The following SLC25A48 variants were observed in gnomAD, a reference collection of about 807,000 sequenced individuals.
SLC25A48 encodes CTC-321K16.1.
In SLC25A48, 29 loss-of-function variants were observed where a neutral mutation model predicts 32.2. The observed-to-expected ratio is 0.90, with a 90% CI of 0.67 to 1.23. SLC25A48 has a LOEUF of 1.23. Among genes scored for constraint, SLC25A48 ranks in the 50% most tolerant of loss-of-function variants. The pLI is 0.00. For missense variants in SLC25A48, 399 were observed against 422.7 expected, an observed-to-expected ratio of 0.94 and a Z score of 0.49; for synonymous variants, 164 against 172.3, an observed-to-expected ratio of 0.95 and a Z score of 0.38.
At position 135,624,162 on chromosome 5, in the gene SLC25A48, G is replaced by A. The variant is rs138666665; in HGVS notation, c.-848-5075G>A. 5.9e-3 allele frequency among the ~76,000 whole-genome samples: 900 copies of A among 152,234 alleles called. 11 individuals carry two copies. Among genetic ancestry groups the A allele is most frequent in the African/African-American group, 0.02 (847 of 41,542 alleles). ...TGATCACCGTTACCTCCTTAGCTGG[G>A]TGCTTGAGAGTTGTTGGGCAGGGTG... On this transcript the variant is annotated intron_variant, in intron 1 of 10. Coordinates refer to the SLC25A48 transcript ENST00000646290.
intron 4 of SLC25A48, among the ~76,000 whole-genome samples, chr5:135,818,355 A>G (rs1227050391): frequency 1.3e-5 from 2 of 152,182 alleles, no homozygotes; most frequent in African/African-American, 4.8e-5. Flanking sequence ...GTCTCAGCCT[A>G]ACTCCTGAGT....
At chr5:135,813,977 G>A (rs1757652304) in intron 4 of SLC25A48, among the ~76,000 whole-genome samples, 1 of 152,208 alleles carries the variant, frequency 6.6e-6, no homozygotes, top group East Asian at 1.9e-4. Flanking sequence ...GTGACACAGA[G>A]TGTGCTATTC....
intron 1 of SLC25A48, among the ~76,000 whole-genome samples, chr5:135,835,411 T>C (rs1321216713): frequency 6.6e-6 from 1 of 152,020 alleles, no homozygotes; most frequent in East Asian, 2.0e-4. Context: ...CAGGTGCCCA[T>C]TGCCAGGCTG....
At chr5:135,657,306 G>GA (rs1187343006) in intron 3 of SLC25A48, among the ~76,000 whole-genome samples, 1 of 152,214 alleles carries the variant, frequency 6.6e-6, no homozygotes, top group Non-Finnish European at 1.5e-5. Flanking sequence ...CTACTGCAGA[G>GA]ACAAAGGTGA....
intron 1 of SLC25A48, among the ~76,000 whole-genome samples, chr5:135,627,817 C>G (rs948904088): frequency 6.6e-6 from 1 of 152,304 alleles, no homozygotes; most frequent in East Asian, 1.9e-4. Flanking sequence ...ATGGTCACTC[C>G]TGTCATGGAG....
intron 3 of SLC25A48, among the ~76,000 whole-genome samples, chr5:135,693,560 C>G (rs1012764905): frequency 9.2e-5 from 14 of 152,216 alleles, no homozygotes; most frequent in Admixed American, 2.0e-4. Context: ...ACAATCTTCT[C>G]CTGTGCTCAG....
At chr5:135,842,607 G>A in intron 2 of SLC25A48, 148 bp downstream of exon 2, 1 of 780,560 alleles carries the variant, frequency 1.3e-6, no homozygotes, top group East Asian at 2.5e-5. Context: ...TTGGGTGCCA[G>A]GAGGTCTGGT....
intron 3 of SLC25A48, among the ~76,000 whole-genome samples, chr5:135,711,757 C>T (rs1462800931): frequency 6.6e-6 from 1 of 152,182 alleles, no homozygotes; most frequent in Non-Finnish European, 1.5e-5. Context: ...CTGTATTCTT[C>T]AGTTACTGGG....
At chr5:135,668,065 A>G (rs1344873699) in intron 3 of SLC25A48, among the ~76,000 whole-genome samples, 3 of 152,228 alleles carry the variant, frequency 2.0e-5, no homozygotes, top group African/African-American at 7.2e-5. Flanking sequence ...GTCCAGTGGA[A>G]GAGCTTTCCA....
At chr5:135,648,790 G>A (rs1753031848) in intron 3 of SLC25A48, 2 of 152,236 alleles carry the variant, frequency 1.3e-5, no homozygotes, top group African/African-American at 2.4e-5. Context: ...AAAATGACAA[G>A]AATGTAAACA....
In SLC25A48 at chr5:135,622,064, GC is replaced by G. The variant is rs1364788519; in HGVS notation, c.-848-7171del. Among the ~76,000 whole-genome samples the G allele has an allele frequency of 6.6e-5, 10 of 152,110 alleles. No individual in the cohort carries two copies. The East Asian group carries it at 1.9e-3, about 29-fold the overall frequency. ...AAACCATAAAAGAAGAACGGAGAAG[GC>G]CAAGAAGCATATGGAAAAATGCCAG... On this transcript the variant is annotated intron_variant, in intron 1 of 10. Coordinates refer to the SLC25A48 transcript ENST00000646290.
At chr5:135,811,642 C>T (rs1370532686) in intron 3 of SLC25A48, among the ~76,000 whole-genome samples, 5 of 151,992 alleles carry the variant, frequency 3.3e-5, no homozygotes, top group Non-Finnish European at 5.9e-5. Context: ...TTCAAAAGAT[C>T]AGGTTTTACA....
intron 3 of SLC25A48, among the ~76,000 whole-genome samples, chr5:135,750,280 T>C (rs1002897916): frequency 3.2e-4 from 49 of 152,152 alleles, no homozygotes; most frequent in Admixed American, 2.0e-4. Context: ...CCCCAATATG[T>C]AATGGTTTAA....
At chr5:135,727,184 CTATA>C (rs61234105) in intron 3 of SLC25A48, among the ~76,000 whole-genome samples, 41,177 of 145,976 alleles carry the variant, frequency 0.28, 5,836 homozygotes, top group East Asian at 0.48. Context: ...TAGCCACAGG[CTATA>C]TATATATATA....
chr5:135,786,182 A>G (rs1197167557), intron 3 of SLC25A48, among the ~76,000 whole-genome samples: 2 of 151,102 alleles, frequency 1.3e-5, no homozygotes, highest in Non-Finnish European at 3.0e-5. Flanking sequence ...CGGTACTATT[A>G]CTCCCCATGG....
intron 3 of SLC25A48, among the ~76,000 whole-genome samples, chr5:135,665,956 C>G (rs186374449): frequency 4.2e-4 from 64 of 152,246 alleles, no homozygotes; most frequent in African/African-American, 1.5e-3. Context: ...TTTCCTCTCT[C>G]TCTCTAATGT....
At chr5:135,668,416 C>A (rs552417197) in intron 3 of SLC25A48, among the ~76,000 whole-genome samples, 11 of 152,184 alleles carry the variant, frequency 7.2e-5, no homozygotes, top group Non-Finnish European at 1.3e-4. Context: ...CATCTTCTTG[C>A]AAGCATCAGT....
Position 135,591,261 on chromosome 5 carries a change from G to A in SLC25A48, c.-849+11664G>A, listed in dbSNP as rs768701516. Among the ~76,000 whole-genome samples the A allele has an allele frequency of 3.3e-5, 5 of 152,242 alleles. No individual in the cohort carries two copies. In the South Asian group the frequency reaches 1.0e-3, roughly 31 times the overall value. ...GCAGGCATTCTGATCCCCTTTTAGGGTATAAAGAAACTGAGACCCAGAGCA... is the reference window on the plus strand; with the variant it reads ...GCAGGCATTCTGATCCCCTTTTAGGATATAAAGAAACTGAGACCCAGAGCA... On this transcript the variant is annotated intron_variant, in intron 1 of 10. Coordinates refer to the SLC25A48 transcript ENST00000646290.
intron 3 of SLC25A48, among the ~76,000 whole-genome samples, chr5:135,708,241 G>C (rs765249186): frequency 2.0e-5 from 3 of 152,180 alleles, no homozygotes; most frequent in African/African-American, 4.8e-5. Flanking sequence ...CCATCACTCA[G>C]CTTCAACAAT....
Sources: allele counts gnomAD v4.1 joint callset (sites outside exome capture counted in the v4.1 genomes callset), GRCh38; gene constraint gnomAD v4.1.1; transcripts MANE v1.5; gene names NCBI Gene and HGNC (gene_info 2026-07-23, HGNC 2026-07-21).